KCNH7: variants seen among roughly 807,000 people sequenced by gnomAD.
The protein encoded by KCNH7 is potassium voltage-gated channel subfamily H member 7, also known as voltage-gated inwardly rectifying potassium channel KCNH7.
Under a neutral mutation model 120.8 loss-of-function variants are expected in KCNH7, and 49 were observed. The observed-to-expected ratio is 0.41, with a 90% confidence interval of 0.32 to 0.51. The LOEUF (loss-of-function observed/expected upper bound fraction) is 0.51. KCNH7 is among the 20% of genes least tolerant of loss of function. The probability of loss-of-function intolerance (pLI) is 0.38; values close to 1 mark genes in which losing one functional copy is unlikely to be tolerated. For missense variants in KCNH7, 1,097 were observed against 1,446.6 expected (o/e 0.76, Z 3.92); for synonymous variants, 547 against 516.1 (o/e 1.06, Z -0.81).
chr2:162,527,984 T>C (rs1477433073), intron 3 of KCNH7: 2 of 152,002 alleles, frequency 1.3e-5, no homozygotes, highest in African/African-American at 2.4e-5. Flanking sequence ...AATTTCTGTG[T>C]TTCCGAATCA....
chr2:162,690,426 T>C (rs1215306433), intron 2 of KCNH7, among the ~76,000 whole-genome samples: 1 of 152,110 alleles, frequency 6.6e-6, no homozygotes, highest in African/African-American at 2.4e-5. Context: ...CCATATTGAC[T>C]CAAGTAAAGG....
At position 162,394,480 on chromosome 2, in the gene KCNH7, A is replaced by T; in HGVS notation, c.2619T>A (p.Asp873Glu). 1 of 1,586,882 alleles carries T rather than the reference A, an allele frequency of 6.3e-7. No homozygotes were observed. Among genetic ancestry groups the T allele is most frequent in the Non-Finnish European group, 8.6e-7 (1 of 1,156,914 alleles). Residue 873 changes from aspartate to glutamate, a missense_variant, in exon 12 of 16, where the codon GAT becomes GAA. Physicochemically the swap from Asp to Glu is conservative, Grantham distance 45. This residue lies in a region of KCNH7 where 406 missense variants were observed against 410.5 expected (regional missense o/e 0.99). Coordinates refer to ENST00000332142, the MANE Select transcript of KCNH7 (RefSeq NM_033272.4). Reference protein sequence around the residue: ...FNLRHESAKADLLRSQSMNDS... With the variant: ...FNLRHESAKAELLRSQSMNDS... The stretch of plus-strand genomic sequence containing the variant: ...CATTCATGGATTGTGATCGTAGGAG[A>T]TCAGCCTTTGTTAATGGAACATGAA...
intron 2 of KCNH7, among the ~76,000 whole-genome samples, chr2:162,654,383 G>A (rs1159551644): frequency 2.0e-5 from 3 of 151,144 alleles, no homozygotes; most frequent in South Asian, 2.1e-4. Context: ...ATGGCCAACA[G>A]GTATATGAAA....
At chr2:162,584,356 G>C (rs1025638804) in intron 2 of KCNH7, among the ~76,000 whole-genome samples, 3 of 151,916 alleles carry the variant, frequency 2.0e-5, no homozygotes, top group Non-Finnish European at 4.4e-5. Flanking sequence ...AATTATTATA[G>C]AGCATTATCT....
chr2:162,834,327 C>T (rs1532238), intron 2 of KCNH7, among the ~76,000 whole-genome samples: 80,383 of 151,872 alleles, frequency 0.53, 22,205 homozygotes, highest in South Asian at 0.73. Context: ...GTCATTCAAA[C>T]TAATATATTT....
chr2:162,812,002 A>G (rs960744399), intron 2 of KCNH7, among the ~76,000 whole-genome samples: 2 of 152,230 alleles, frequency 1.3e-5, no homozygotes, highest in Admixed American at 1.3e-4. Context: ...AGAATAAATT[A>G]TAGTGTAAAG....
chr2:162,597,361 A>G (rs1339956364), intron 2 of KCNH7, among the ~76,000 whole-genome samples: 4 of 152,136 alleles, frequency 2.6e-5, no homozygotes, highest in African/African-American at 9.6e-5. Flanking sequence ...TCAGCCCTAA[A>G]CAGAAACAAA....
chr2:162,695,035 G>C (rs1018927177), intron 2 of KCNH7, among the ~76,000 whole-genome samples: 1 of 151,998 alleles, frequency 6.6e-6, no homozygotes, highest in African/African-American at 2.4e-5. Flanking sequence ...GAAAGTGCTG[G>C]GATTGCAGGC....
chr2:162,810,157 C>T lies in KCNH7; in HGVS notation c.307+26380G>A, dbSNP rs1211717346. Reference sequence around the variant, plus strand: ...GTCTGGATCTCCTGACCTCGTGATCCGCCCGCCTCGGCCTCCCAAAGTGCT... The same window carrying T: ...GTCTGGATCTCCTGACCTCGTGATCTGCCCGCCTCGGCCTCCCAAAGTGCT... On this transcript the variant is annotated intron_variant, in intron 2 of 15. Transcript: ENST00000332142. Among the ~76,000 whole-genome samples, 3 of 20,468 alleles carry T rather than the reference C, an allele frequency of 1.5e-4. 1 individual carries two copies. The highest frequency in any genetic ancestry group is 1.2e-4 in the African/African-American group (1 of 8,152). 13.4% of individuals were successfully genotyped at this position (20,468 alleles called of 152,430 possible). A position where few individuals can be genotyped will look rare whatever the true frequency, so the allele number is the denominator to read the frequency against.
At chr2:162,398,791 G>A (rs971822228) in intron 10 of KCNH7, among the ~76,000 whole-genome samples, 1 of 151,794 alleles carries the variant, frequency 6.6e-6, no homozygotes, top group Non-Finnish European at 1.5e-5. Flanking sequence ...AACATAGCAG[G>A]GCAAACTGTC....
Position 162,517,909 on chromosome 2 carries a change from G to T in KCNH7, c.713C>A (p.Ser238Tyr). ...LVNISGPLDH[S>Y]SPKRQWDRLY... Reference sequence around the variant, plus strand: ...TCGGTCCCATTGCCTTTTGGGAGAGGAATGGTCAAGAGGTCCGGATATATT... The same window carrying T: ...TCGGTCCCATTGCCTTTTGGGAGAGTAATGGTCAAGAGGTCCGGATATATT... Residue 238 changes from serine to tyrosine, a missense_variant, in exon 4 of 16, where the codon TCC becomes TAC. Ser to Tyr is a moderately radical substitution (Grantham distance 144). Around this residue, in one of 8 missense-constraint regions of KCNH7, gnomAD observed 362 missense variants for 372.2 expected, o/e 0.97. Transcript: ENST00000332142. 6.2e-7 allele frequency: 1 copy of T among 1,612,350 alleles called. No individual in the cohort carries two copies.
intron 2 of KCNH7, among the ~76,000 whole-genome samples, chr2:162,792,225 G>C (rs1683973782): frequency 6.6e-6 from 1 of 152,076 alleles, no homozygotes; most frequent in Non-Finnish European, 1.5e-5. Context: ...TGTTCATCAA[G>C]GATATTGGCC....
At chr2:162,609,238 C>T (rs1016671037) in intron 2 of KCNH7, among the ~76,000 whole-genome samples, 3 of 152,086 alleles carry the variant, frequency 2.0e-5, no homozygotes, top group African/African-American at 7.2e-5. Flanking sequence ...TAAGTAAAGC[C>T]CCACAAGACT....
intron 2 of KCNH7, among the ~76,000 whole-genome samples, chr2:162,812,851 G>A (rs997274628): frequency 2.0e-4 from 30 of 152,072 alleles, no homozygotes; most frequent in African/African-American, 4.8e-4. Flanking sequence ...AGAGTTGACC[G>A]GAGTGTATTT....
At chr2:162,670,614 G>T (rs1452840513) in intron 2 of KCNH7, among the ~76,000 whole-genome samples, 1 of 151,850 alleles carries the variant, frequency 6.6e-6, no homozygotes, top group Non-Finnish European at 1.5e-5. Flanking sequence ...TAAGGAAGCA[G>T]GTGAGACAGT....
intron 2 of KCNH7, among the ~76,000 whole-genome samples, chr2:162,794,008 A>G (rs1684048129): frequency 6.6e-6 from 1 of 152,014 alleles, no homozygotes; most frequent in African/African-American, 2.4e-5. Context: ...TTACTTCACA[A>G]TGTATACATG....
At position 162,822,084 on chromosome 2, in the gene KCNH7, A is replaced by G. The variant is rs76098970; in HGVS notation, c.307+14453T>C. On this transcript the variant is annotated intron_variant, in intron 2 of 15. Transcript: ENST00000332142. ...AATTGTCCAGAATTTGATTGAGGCCATAATCTCCACAATAAAGCCCCTAAA... is the reference window on the plus strand; with the variant it reads ...AATTGTCCAGAATTTGATTGAGGCCGTAATCTCCACAATAAAGCCCCTAAA... 3.1e-3 allele frequency among the ~76,000 whole-genome samples: 207 copies of G among 67,694 alleles called. 2 individuals carry two copies. In the East Asian group the frequency reaches 0.054, roughly 18 times the overall value. The allele number at this position is 67,694 out of a possible 152,430, so 44.4% of individuals were successfully genotyped here. A position where few individuals can be genotyped will look rare whatever the true frequency, so the allele number is the denominator to read the frequency against.
At chr2:162,508,935 G>A (rs536929847) in intron 5 of KCNH7, among the ~76,000 whole-genome samples, 1 of 151,488 alleles carries the variant, frequency 6.6e-6, no homozygotes, top group Non-Finnish European at 1.5e-5. Flanking sequence ...CATGTAAAAC[G>A]CAGAAGCATA....
Position 162,435,359 on chromosome 2 carries a change from C to T in KCNH7, c.1793G>A (p.Arg598His). 1.2e-6 allele frequency: 2 copies of T among 1,613,850 alleles called. No homozygotes were observed. Among genetic ancestry groups the T allele is most frequent in the Middle Eastern group, 1.7e-4 (1 of 6,060 alleles). ...AGAACTTGAGTCACTGTCATTGTAA[C>T]GTTTCCCAATTTGCTGTCCTAAGGA... ...LDSLGQQIGK[R>H]YNDSDSSSGP... is the part of the protein sequence containing the mutation. The change falls in exon 8 of 16, where the codon CGT (arginine) becomes CAT (histidine). Residue 598 changes from arginine to histidine, a missense_variant. Physicochemically the swap from Arg to His is conservative, Grantham distance 29 (BLOSUM62 0). This residue lies in a region of KCNH7 where 36 missense variants were observed against 46.8 expected (regional missense o/e 0.77). Transcript: ENST00000332142.
Sources: allele counts gnomAD v4.1 joint callset (sites outside exome capture counted in the v4.1 genomes callset), GRCh38; gene constraint gnomAD v4.1.1; regional missense constraint gnomAD v4.1.1; transcripts MANE v1.5; gene names NCBI Gene and HGNC (gene_info 2026-07-23, HGNC 2026-07-21).